The following PIK3C2G variants were observed in gnomAD, a reference collection of about 807,000 sequenced individuals.
PIK3C2G encodes the protein phosphatidylinositol-4-phosphate 3-kinase catalytic subunit type 2 gamma.
A neutral mutation model predicts 181.1 loss-of-function variants in PIK3C2G; 168 were observed. The observed-to-expected ratio is 0.93, with a 90% CI of 0.82 to 1.05. PIK3C2G has a LOEUF of 1.05. Ranked by LOEUF, PIK3C2G falls within the 50% of genes least tolerant of loss-of-function variation. PIK3C2G has a pLI of 0.00. For synonymous variants in PIK3C2G, 573 were observed against 592.2 expected, an observed-to-expected ratio of 0.97 and a Z score of 0.47; for missense variants, 1,869 against 1,732.8, an observed-to-expected ratio of 1.08 and a Z score of -1.40.
Position 18,347,040 on chromosome 12 carries a change from C to G in PIK3C2G, c.1625+204C>G, listed in dbSNP as rs773256198. Among the ~76,000 whole-genome samples the G allele has an allele frequency of 2.0e-5, 3 of 152,042 alleles. No homozygotes were observed. The East Asian group carries it at 5.8e-4, about 29-fold the overall frequency. On this transcript the variant is annotated intron_variant, in intron 11 of 32. Transcript: ENST00000538779. ...TTTAATTTTCTTTCTTCTTCCATTT[C>G]CCATATTTAAATAATTGTCATTGCC...
chr12:18,255,175 C>T (rs1009768923), intron 1 of PIK3C2G, among the ~76,000 whole-genome samples: 10 of 150,006 alleles, frequency 6.7e-5, no homozygotes, highest in African/African-American at 1.2e-4. Flanking sequence ...GAGATCGCAC[C>T]GTTGCACTCC....
downstream of PIK3C2G, among the ~76,000 whole-genome samples, chr12:18,650,732 AT>A: frequency 3.8e-5 from 1 of 26,622 alleles, no homozygotes; most frequent in African/African-American, 3.0e-4. Flanking sequence ...ATATATATAT[AT>A]ATATATATAT....
chr12:18,568,402 G>A (rs1945750160), intron 29 of PIK3C2G, among the ~76,000 whole-genome samples: 2 of 151,136 alleles, frequency 1.3e-5, no homozygotes, highest in Admixed American at 1.4e-4. Context: ...GTGTGTGTGT[G>A]TGTGTGTGTG....
the PIK3C2G span, among the ~76,000 whole-genome samples, chr12:18,674,662 A>G: frequency 6.6e-6 from 1 of 152,166 alleles, no homozygotes; most frequent in African/African-American, 2.4e-5. Context: ...ATTTTTTGCA[A>G]CTACTCCCAT....
intron 26 of PIK3C2G, among the ~76,000 whole-genome samples, chr12:18,557,858 A>G (rs1431075505): frequency 6.6e-6 from 1 of 152,208 alleles, no homozygotes; most frequent in Non-Finnish European, 1.5e-5. Context: ...ATGCAAGACC[A>G]AACTAAATAG....
At chr12:18,494,121 T>C (rs1160304397) in intron 20 of PIK3C2G, among the ~76,000 whole-genome samples, 1 of 152,204 alleles carries the variant, frequency 6.6e-6, no homozygotes, top group Non-Finnish European at 1.5e-5. Flanking sequence ...TTTTCTATCT[T>C]ATTATACCAT....
intron 5 of PIK3C2G, among the ~76,000 whole-genome samples, chr12:18,311,316 A>C (rs1447456268): frequency 6.6e-6 from 1 of 151,994 alleles, no homozygotes; most frequent in Non-Finnish European, 1.5e-5. Context: ...AAAATATAGA[A>C]TATCCAGTTT....
chr12:18,351,871 C>G (rs1181312358), intron 11 of PIK3C2G, among the ~76,000 whole-genome samples: 1 of 152,106 alleles, frequency 6.6e-6, no homozygotes, highest in African/African-American at 2.4e-5. Context: ...CTACAGTCTT[C>G]AAGACAGTAA....
chr12:18,650,706 A>ATC (rs1950453017), downstream of PIK3C2G, among the ~76,000 whole-genome samples: 6 of 8,360 alleles, frequency 7.2e-4, no homozygotes, highest in African/African-American at 2.4e-3. Flanking sequence ...GTGTGTGTGT[A>ATC]TATATCTATA....
intron 24 of PIK3C2G, among the ~76,000 whole-genome samples, chr12:18,534,995 A>C (rs1943773232): frequency 6.6e-6 from 1 of 152,108 alleles, no homozygotes; most frequent in Admixed American, 6.6e-5. Context: ...ATAATTCAAA[A>C]TATAATCACA....
chr12:18,638,564 A>G (rs1949701871), intron 31 of PIK3C2G, among the ~76,000 whole-genome samples: 1 of 152,134 alleles, frequency 6.6e-6, no homozygotes, highest in Admixed American at 6.5e-5. Flanking sequence ...GTGTTAAGCA[A>G]TCTCAGCCCC....
chr12:18,503,445 TAA>T, intron 23 of PIK3C2G, 28 bp downstream of exon 23: 3 of 1,511,808 alleles, frequency 2.0e-6, no homozygotes, highest in Non-Finnish European at 2.7e-6. Flanking sequence ...TCATTTTAAA[TAA>T]TGTACTTAAA....
intron 18 of PIK3C2G, among the ~76,000 whole-genome samples, chr12:18,473,967 C>T (rs892754640): frequency 6.6e-6 from 1 of 152,168 alleles, no homozygotes; most frequent in Middle Eastern, 3.4e-3. Context: ...TTAAGTTTTT[C>T]ATTGGGTCAT....
At position 18,640,558 on chromosome 12, in the gene PIK3C2G, A is replaced by G. The variant is rs556531795; in HGVS notation, c.4308+4A>G. 1 of 1,588,340 alleles carries G rather than the reference A, an allele frequency of 6.3e-7. No homozygotes were observed. The highest frequency in any genetic ancestry group is 2.3e-5 in the East Asian group (1 of 44,178). ...GGACCCCACTTACAATGAAATTGTAAGTATAAGTCACCTTTTGTCCAGTCA... is the reference window on the plus strand; with the variant it reads ...GGACCCCACTTACAATGAAATTGTAGGTATAAGTCACCTTTTGTCCAGTCA... On this transcript the variant is annotated splice_donor_region_variant and intron_variant, in intron 32 of 32. Transcript: ENST00000538779.
In PIK3C2G at chr12:18,622,159, C is replaced by T. The variant is rs562770279; in HGVS notation, c.4182+12530C>T. On this transcript the variant is annotated intron_variant, in intron 31 of 32. Transcript: ENST00000538779. ...GCTGTGCTATTGATCTCAAAAATACCCATATTTCTCTTGTCTAACTAGGCT... is the reference window on the plus strand; with the variant it reads ...GCTGTGCTATTGATCTCAAAAATACTCATATTTCTCTTGTCTAACTAGGCT... Among the ~76,000 whole-genome samples the T allele has an allele frequency of 2.6e-5, 4 of 151,698 alleles. No homozygotes were observed. In the South Asian group the frequency reaches 8.3e-4, roughly 32 times the overall value.
intron 29 of PIK3C2G, among the ~76,000 whole-genome samples, chr12:18,590,043 C>A (rs1003696244): frequency 6.6e-6 from 1 of 151,560 alleles, no homozygotes; most frequent in Non-Finnish European, 1.5e-5. Context: ...TGTGTTTGTA[C>A]TGATTCCAAA....
At chr12:18,644,278 T>A (rs1346265433) in intron 32 of PIK3C2G, among the ~76,000 whole-genome samples, 2 of 152,138 alleles carry the variant, frequency 1.3e-5, no homozygotes, top group Non-Finnish European at 2.9e-5. Context: ...CTCAGGGAAC[T>A]GCCATACAGC....
intron 15 of PIK3C2G, among the ~76,000 whole-genome samples, chr12:18,391,997 C>A (rs1207996735): frequency 6.6e-6 from 1 of 152,014 alleles, no homozygotes; most frequent in Non-Finnish European, 1.5e-5. Context: ...CCAGAAAAAT[C>A]TTGAGTGATA....
intron 2 of PIK3C2G, 103 bp downstream of exon 2, chr12:18,282,862 A>C: frequency 1.3e-6 from 1 of 790,404 alleles, no homozygotes; most frequent in South Asian, 2.6e-5. Context: ...TAAATAGGGA[A>C]ATCTATTCAT....
Sources: allele counts gnomAD v4.1 joint callset (sites outside exome capture counted in the v4.1 genomes callset), GRCh38; gene constraint gnomAD v4.1.1; transcripts MANE v1.5; gene names NCBI Gene and HGNC (gene_info 2026-07-23, HGNC 2026-07-21).